The following BIRC6 variants were observed in gnomAD, a reference collection of about 807,000 sequenced individuals.
BIRC6 encodes baculoviral IAP repeat containing 6.
Under a neutral mutation model 503.3 loss-of-function variants are expected in BIRC6, and 98 were observed. The observed-to-expected ratio is 0.19, with a 90% CI of 0.17 to 0.23. BIRC6 has a LOEUF of 0.23. BIRC6 is among the 10% of genes least tolerant of loss of function. The pLI, the probability that BIRC6 is intolerant of heterozygous loss-of-function variation, is 1.00. For missense variants in BIRC6, 5,360 were observed against 5,806.0 expected, an observed-to-expected ratio of 0.92 and a Z score of 2.50; for synonymous variants, 2,240 against 2,078.7, an observed-to-expected ratio of 1.08 and a Z score of -2.11.
chr2:32,558,426 T>C (rs1407249594), intron 65 of BIRC6, among the ~76,000 whole-genome samples: 1 of 152,184 alleles, frequency 6.6e-6, no homozygotes, highest in African/African-American at 2.4e-5. Context: ...GGGATTTAAA[T>C]AATTTTTTCC....
intron 70 of BIRC6, 141 bp downstream of exon 70, chr2:32,600,041 G>C: frequency 1.3e-6 from 1 of 762,862 alleles, no homozygotes; most frequent in Non-Finnish European, 2.1e-6. Context: ...GTCCAGATTA[G>C]CTTAAGCAAT....
rs1572766871 is a variant in BIRC6, at chr2:32,518,832, A to G, written c.11509A>G (p.Ile3837Val). 1 of 1,613,442 alleles carries G rather than the reference A, an allele frequency of 6.2e-7. No individual in the cohort carries two copies. Among genetic ancestry groups the G allele is most frequent in the East Asian group, 2.2e-5 (1 of 44,844 alleles). The stretch of plus-strand genomic sequence containing the variant: ...TGATTTTCAGCTGTACAAAGGTAGA[A>G]TTAATGCTACTAGCCACGTCATCCA... Reference protein sequence around the residue: ...QSPCPLYKGRINATSHVIQHP... With the variant: ...QSPCPLYKGRVNATSHVIQHP... The change falls in exon 57 of 74, where the codon ATT becomes GTT. Residue 3837 changes from isoleucine (I) to valine (V), a missense_variant. Ile to Val is a conservative substitution (Grantham distance 29, BLOSUM62 3). Around this residue, in one of 16 missense-constraint regions of BIRC6, gnomAD observed 878 missense variants for 928.9 expected, o/e 0.95. Coordinates refer to ENST00000421745, the MANE Select transcript of BIRC6 (RefSeq NM_016252.4).
At chr2:32,513,769 C>T (rs917708791) in intron 54 of BIRC6, among the ~76,000 whole-genome samples, 2 of 152,112 alleles carry the variant, frequency 1.3e-5, no homozygotes, top group African/African-American at 2.4e-5. Flanking sequence ...ACTAGCCCGG[C>T]GTGGTGGCGC....
At chr2:32,595,987 C>T (rs2061648610) in intron 68 of BIRC6, among the ~76,000 whole-genome samples, 1 of 152,044 alleles carries the variant, frequency 6.6e-6, no homozygotes, top group South Asian at 2.1e-4. Flanking sequence ...ATAATATTAA[C>T]TTGGTTTTTA....
chr2:32,395,244 G>A (rs980942953), intron 5 of BIRC6, among the ~76,000 whole-genome samples: 8 of 152,106 alleles, frequency 5.3e-5, no homozygotes, highest in African/African-American at 1.7e-4. Flanking sequence ...CTTTAGTATA[G>A]CAATGAGAAA....
chr2:32,369,947 T>A (rs10717712), intron 1 of BIRC6, among the ~76,000 whole-genome samples: 3,580 of 33,952 alleles, frequency 0.11, 218 homozygotes, highest in East Asian at 0.15. Flanking sequence ...AAAAAAAAAA[T>A]ATATATATAT....
intron 1 of BIRC6, among the ~76,000 whole-genome samples, chr2:32,358,684 A>C (rs2033579338): frequency 6.6e-6 from 1 of 152,240 alleles, no homozygotes; most frequent in African/African-American, 2.4e-5. Flanking sequence ...GTAAGAGTAA[A>C]TGGCAATTTA....
At chr2:32,591,367 G>C (rs897988002) in intron 66 of BIRC6, among the ~76,000 whole-genome samples, 10 of 151,654 alleles carry the variant, frequency 6.6e-5, no homozygotes, top group Non-Finnish European at 1.2e-4. Context: ...CTTAATTATG[G>C]TAAAAAAATA....
intron 1 of BIRC6, among the ~76,000 whole-genome samples, chr2:32,373,540 G>A (rs1484278571): frequency 1.8e-4 from 27 of 152,164 alleles, no homozygotes; most frequent in Non-Finnish European, 1.2e-4. Context: ...CGTGCAAAAA[G>A]TATAAAGTTG....
intron 9 of BIRC6, among the ~76,000 whole-genome samples, chr2:32,414,538 G>A (rs1373896408): frequency 2.0e-5 from 3 of 152,020 alleles, no homozygotes; most frequent in Non-Finnish European, 1.5e-5. Flanking sequence ...GTGGTGGCGT[G>A]AGCTTGTAAT....
intron 12 of BIRC6, among the ~76,000 whole-genome samples, chr2:32,432,895 G>C (rs2044297180): frequency 6.6e-6 from 1 of 152,052 alleles, no homozygotes; most frequent in Non-Finnish European, 1.5e-5. Flanking sequence ...TGGTTGTGGT[G>C]GGGAGGGCAG....
rs1407518501 is a variant in BIRC6, at chr2:32,431,058, G to A, written c.3216G>A (p.Gln1072=). Residue 1072 remains glutamine, a synonymous_variant, in exon 12 of 74, where the codon CAG becomes CAA. Transcript: ENST00000421745. ...AGCAACACCATGGTGATGCTGCTCA[G>A]CATACTCGAACTTGGAAACTACAGA... The part of the protein sequence containing the change: ...LHQQHHGDAA[Q]HTRTWKLQTD... 6.2e-6 allele frequency: 10 copies of A among 1,612,622 alleles called. No individual in the cohort carries two copies.
chr2:32,439,276 A>G (rs143173976), intron 15 of BIRC6, among the ~76,000 whole-genome samples: 40 of 152,248 alleles, frequency 2.6e-4, no homozygotes, highest in African/African-American at 8.2e-4. Context: ...GTTTATCTCA[A>G]TTAGTCAAAG....
intron 39 of BIRC6, among the ~76,000 whole-genome samples, chr2:32,484,943 A>G (rs140351551): frequency 7.2e-5 from 11 of 152,342 alleles, no homozygotes; most frequent in African/African-American, 1.4e-4. Context: ...AATTTGACCA[A>G]TAGGATCCCC....
At chr2:32,498,392 A>G (rs2052745741) in intron 45 of BIRC6, among the ~76,000 whole-genome samples, 1 of 152,134 alleles carries the variant, frequency 6.6e-6, no homozygotes, top group Admixed American at 6.5e-5. Context: ...CTAGTTTTAC[A>G]AGATATACCT....
chr2:32,430,857 A>C lies in BIRC6; in HGVS notation c.3023-8A>C. ...CCTATTTCAAATACTGCTCTCACTA[A>C]TGTTAAGGAGTTGATTTATTGGTGG... On this transcript the variant is annotated splice_region_variant and splice_polypyrimidine_tract_variant and intron_variant, in intron 11 of 73. Transcript: ENST00000421745. 6.5e-7 allele frequency: 1 copy of C among 1,536,104 alleles called. No homozygotes were observed. The highest frequency in any genetic ancestry group is 8.9e-7 in the Non-Finnish European group (1 of 1,117,942).
chr2:32,514,200 A>T (rs183297761), intron 54 of BIRC6, among the ~76,000 whole-genome samples: 1 of 152,188 alleles, frequency 6.6e-6, no homozygotes, highest in African/African-American at 2.4e-5. Context: ...ATGTTCCTCT[A>T]TCCCTAACTA....
chr2:32,387,072 C>T (rs2038580138), intron 3 of BIRC6, among the ~76,000 whole-genome samples: 1 of 152,172 alleles, frequency 6.6e-6, no homozygotes, highest in South Asian at 2.1e-4. Context: ...TGTTTTAGGT[C>T]AGTTCAGTGC....
At chr2:32,593,851 G>C (rs947907465) in intron 66 of BIRC6, 64 bp from the exon 67 acceptor site, 2 of 1,350,164 alleles carry the variant, frequency 1.5e-6, no homozygotes, top group African/African-American at 2.9e-5. Flanking sequence ...ATTGATTTAT[G>C]GAGGTGTTTT....
Sources: gnomAD v4.1 joint callset for allele counts (sites outside exome capture counted in the v4.1 genomes callset) on GRCh38, gnomAD v4.1.1 for gene constraint, gnomAD v4.1.1 regional missense constraint, MANE v1.5 for transcripts, NCBI Gene and HGNC (gene_info 2026-07-23, HGNC 2026-07-21) for gene names.